The following MRAP variants were observed in gnomAD, a reference collection of about 807,000 sequenced individuals.
MRAP encodes melanocortin 2 receptor accessory protein, also known as melanocortin-2 receptor accessory protein.
Under a neutral mutation model 8.7 loss-of-function variants are expected in MRAP, and 8 were observed. That is an observed-to-expected ratio of 0.92 (90% CI 0.54 to 1.66). MRAP has a LOEUF of 1.66. Ranked by LOEUF, MRAP falls within the 40% of genes most tolerant of loss-of-function variation. The pLI, the probability that MRAP is intolerant of heterozygous loss-of-function variation, is 0.00. For synonymous variants in MRAP, 95 were observed against 95.5 expected (o/e 1.00, Z 0.03); for missense variants, 237 against 217.1 (o/e 1.09, Z -0.58).
Position 32,312,097 on chromosome 21 carries a change from A to C in MRAP, c.*101A>C. On this transcript the variant is annotated 3_prime_UTR_variant, in exon 3 of 3. Coordinates refer to ENST00000303645, the MANE Select transcript of MRAP (RefSeq NM_001379228.1). The stretch of plus-strand genomic sequence containing the variant: ...CTTAGAGGCCATTTGCATGTAGCAG[A>C]AAGGGCACCTAGGTCAAGTGCAACT... 5.0e-6 allele frequency: 8 copies of C among 1,586,850 alleles called. No individual in the cohort carries two copies. Among genetic ancestry groups the C allele is most frequent in the Non-Finnish European group, 6.8e-6 (8 of 1,172,978 alleles).
chr21:32,313,642 G>T (rs1308899717), downstream of MRAP: 1 of 152,154 alleles, frequency 6.6e-6, no homozygotes. Flanking sequence ...AAGAACACTG[G>T]TGGAAAATAG....
chr21:32,312,310 T>C, downstream of MRAP: 1 of 1,301,960 alleles, frequency 7.7e-7, no homozygotes, highest in Non-Finnish European at 9.8e-7. Context: ...TTACTAATCT[T>C]TACTATGCCA....
chr21:32,298,154 G>T (rs1382054651), upstream of MRAP, among the ~76,000 whole-genome samples: 1 of 152,188 alleles, frequency 6.6e-6, no homozygotes. Flanking sequence ...TCAGAGGAGG[G>T]TGTATAATTT....
At chr21:32,296,907 C>T (rs2123492372), upstream of MRAP, among the ~76,000 whole-genome samples, 1 of 152,198 alleles carries the variant, frequency 6.6e-6, no homozygotes, top group South Asian at 2.1e-4. Flanking sequence ...CTACTGTAGA[C>T]TTTATAAGCA....
intron 2 of MRAP, among the ~76,000 whole-genome samples, chr21:32,307,234 G>C (rs1260349512): frequency 6.6e-6 from 1 of 152,108 alleles, no homozygotes; most frequent in African/African-American, 2.4e-5. Context: ...GGAGAGCGGG[G>C]AAGGGGGAAT....
intron 2 of MRAP, among the ~76,000 whole-genome samples, chr21:32,310,770 C>CT (rs2032543760): frequency 6.6e-6 from 1 of 151,998 alleles, no homozygotes; most frequent in African/African-American, 2.4e-5. Flanking sequence ...CCTCAGCCTC[C>CT]TGAGTAGCTG....
chr21:32,309,760 T>C (rs2032511130), intron 2 of MRAP, among the ~76,000 whole-genome samples: 1 of 147,872 alleles, frequency 6.8e-6, no homozygotes, highest in Non-Finnish European at 1.5e-5. Flanking sequence ...CTGGCCAGCT[T>C]GGCGAAACCC....
intron 1 of MRAP, among the ~76,000 whole-genome samples, chr21:32,300,576 A>G (rs540758100): frequency 2.6e-4 from 37 of 144,134 alleles, no homozygotes; most frequent in African/African-American, 7.1e-4. Flanking sequence ...TTCACACGTC[A>G]TGTCAGGGGC....
At chr21:32,311,535 C>A in intron 2 of MRAP, 149 bp from the exon 3 acceptor site, 1 of 1,145,098 alleles carries the variant, frequency 8.7e-7, no homozygotes, top group Non-Finnish European at 1.2e-6. Flanking sequence ...CCTTTGTGAG[C>A]TGGCTGACCC....
rs113855383 is a variant in MRAP, at chr21:32,300,799, A to C, written c.106+1722A>C. 3.4e-5 allele frequency among the ~76,000 whole-genome samples: 4 copies of C among 116,260 alleles called. No individual in the cohort carries two copies. The South Asian group carries it at 8.6e-4, about 25-fold the overall frequency. 76.3% of individuals were successfully genotyped at this position (116,260 alleles called of 152,430 possible). ...GCCTCCTATGTCGGATGTGTCATGCATCCTATGTCAGGGGCGTCATGTGTC... is the reference window on the plus strand; with the variant it reads ...GCCTCCTATGTCGGATGTGTCATGCCTCCTATGTCAGGGGCGTCATGTGTC... On this transcript the variant is annotated intron_variant, in intron 1 of 2. Transcript: ENST00000303645.
At chr21:32,313,801 C>T (rs1949204732), downstream of MRAP, 1 of 152,228 alleles carries the variant, frequency 6.6e-6, no homozygotes, top group Non-Finnish European at 1.5e-5. Flanking sequence ...GAAATTTTAA[C>T]TGTGAAAACC....
At chr21:32,304,954 TTTTTTTTGTTG>T (rs2032374054) in intron 1 of MRAP, among the ~76,000 whole-genome samples, 75 of 137,732 alleles carry the variant, frequency 5.4e-4, no homozygotes, top group African/African-American at 5.7e-4. Flanking sequence ...GGGGGATTTG[TTTTTTTTGTTG>T]TTTTTTTTTT....
At chr21:32,311,376 G>C (rs1281946210) in intron 2 of MRAP, 2 of 448,628 alleles carry the variant, frequency 4.5e-6, no homozygotes, top group East Asian at 3.8e-5. Context: ...CTCAGATACA[G>C]CGCTGGATGG....
At chr21:32,306,963 T>G (rs1310219124) in intron 2 of MRAP, 1 of 593,462 alleles carries the variant, frequency 1.7e-6, no homozygotes, top group East Asian at 3.1e-5. Context: ...CTCAGTATGT[T>G]GCAGATTTTG....
chr21:32,311,415 AC>A (rs545361408), intron 2 of MRAP: 54 of 118,086 alleles, frequency 4.6e-4, no homozygotes, highest in South Asian at 1.7e-3. Flanking sequence ...TCCACCCCCC[AC>A]CCCCCCCATC....
intron 1 of MRAP, among the ~76,000 whole-genome samples, chr21:32,305,334 A>C (rs2032388690): frequency 1.3e-5 from 2 of 151,848 alleles, no homozygotes; most frequent in Admixed American, 1.3e-4. Context: ...ATGAGTCCTC[A>C]GTTTTTCCTG....
chr21:32,296,425 T>C (rs974446118), upstream of MRAP, among the ~76,000 whole-genome samples: 14 of 152,126 alleles, frequency 9.2e-5, no homozygotes, highest in African/African-American at 2.7e-4. Context: ...GGTGGGTGCA[T>C]GGTGTGGGGG....
chr21:32,300,364 TCA>T (rs749216060), intron 1 of MRAP, among the ~76,000 whole-genome samples: 5 of 151,462 alleles, frequency 3.3e-5, no homozygotes, highest in African/African-American at 7.3e-5. Flanking sequence ...ATGTCAGATG[TCA>T]CACATCCTAT....
At chr21:32,298,831 G>A (rs2032191003), upstream of MRAP, 2 of 689,532 alleles carry the variant, frequency 2.9e-6, no homozygotes, top group Non-Finnish European at 2.6e-6. Context: ...CTGATAAGTG[G>A]GCAGACCTTG....
Sources: gnomAD v4.1 joint callset for allele counts (sites outside exome capture counted in the v4.1 genomes callset) on GRCh38, gnomAD v4.1.1 for gene constraint, MANE v1.5 for transcripts, NCBI Gene and HGNC (gene_info 2026-07-23, HGNC 2026-07-21) for gene names.